The following DNAH14 variants were observed in gnomAD, a reference collection of about 807,000 sequenced individuals.
DNAH14 encodes axonemal beta dynein heavy chain 14.
DNAH14 carries 478 observed loss-of-function variants against 520.9 expected under a neutral mutation model. That is an observed-to-expected ratio of 0.92 (90% CI 0.85 to 0.99). The LOEUF is 0.99. DNAH14 is among the 50% of genes least tolerant of loss of function. DNAH14 has a pLI of 0.00. For synonymous variants in DNAH14, 1,581 were observed against 1,757.2 expected (o/e 0.90, Z 2.51); for missense variants, 4,831 against 5,234.5 (o/e 0.92, Z 2.38).
chr1:225,220,817 T>C (rs1360645941), intron 41 of DNAH14, among the ~76,000 whole-genome samples: 1 of 152,166 alleles, frequency 6.6e-6, no homozygotes, highest in Non-Finnish European at 1.5e-5. Context: ...AAATTTCACA[T>C]GAAACCAAAA....
rs16844574 is a variant in DNAH14 at position 225,255,775 on chromosome 1, A to G, written c.6866-2185A>G. Among the ~76,000 whole-genome samples the G allele has an allele frequency of 3.5e-3, 535 of 152,338 alleles. 4 individuals are homozygous for G. Among genetic ancestry groups the G allele is most frequent in the African/African-American group, 0.012 (518 of 41,582 alleles). On this transcript the variant is annotated intron_variant, in intron 44 of 85. Coordinates refer to ENST00000682510, the MANE Select transcript of DNAH14 (RefSeq NM_001367479.1). The stretch of plus-strand genomic sequence containing the variant: ...TTAATGAGACTTGGATGACTAGAAT[A>G]AAGGTATATATTCTCAGACAGCCAT...
At chr1:224,968,633 A>G in intron 6 of DNAH14, 126 bp from the exon 7 acceptor site, 1 of 601,172 alleles carries the variant, frequency 1.7e-6, no homozygotes, top group Non-Finnish European at 2.7e-6. Context: ...ATACATAGAA[A>G]AAGCTTAATT....
chr1:225,214,350 G>A lies in DNAH14; in HGVS notation c.6439+7130G>A, dbSNP rs539255844. Among the ~76,000 whole-genome samples the A allele has an allele frequency of 1.4e-4, 22 of 152,294 alleles. 1 individual carries two copies. In the South Asian group the frequency reaches 3.3e-3, roughly 23 times the overall value. ...GATTTTTGCATCGATGTTCATCAAGGATATTGGTCTAAAATTCTCTTTTTT... is the reference window on the plus strand; with the variant it reads ...GATTTTTGCATCGATGTTCATCAAGAATATTGGTCTAAAATTCTCTTTTTT... On this transcript the variant is annotated intron_variant, in intron 41 of 85. Coordinates refer to ENST00000682510, the MANE Select transcript of DNAH14 (RefSeq NM_001367479.1).
rs530172075 is a variant in DNAH14 at position 225,206,998 on chromosome 1, G to A, written c.6217G>A (p.Val2073Ile). Reference sequence around the variant, plus strand: ...TGTTGATCTGGGATGGGAACCTTATGTTAAGTCATGGCTTCTGAAAACTTC... The same window carrying A: ...TGTTGATCTGGGATGGGAACCTTATATTAAGTCATGGCTTCTGAAAACTTC... ...DPVDLGWEPY[V>I]KSWLLKTSKI... The change falls in exon 41 of 86, where the codon GTT (valine) becomes ATT (isoleucine). Residue 2073 changes from valine to isoleucine, a missense_variant. Physicochemically the swap from Val to Ile is conservative, Grantham distance 29. Coordinates refer to ENST00000682510, the MANE Select transcript of DNAH14 (RefSeq NM_001367479.1). The A allele has an allele frequency of 6.5e-6, 10 of 1,534,440 alleles. No homozygotes were observed. The highest frequency in any genetic ancestry group is 7.9e-6 in the Non-Finnish European group (9 of 1,139,764).
intron 36 of DNAH14, 70 bp from the exon 37 acceptor site, chr1:225,185,221 A>C (rs2149315081): frequency 6.9e-7 from 1 of 1,450,592 alleles, no homozygotes; most frequent in South Asian, 1.4e-5. Context: ...TAGTCAATGG[A>C]TATAGAGATA....
intron 69 of DNAH14, among the ~76,000 whole-genome samples, chr1:225,341,747 C>T (rs990259876): frequency 1.3e-5 from 2 of 152,124 alleles, no homozygotes; most frequent in African/African-American, 4.8e-5. Flanking sequence ...TCTAAGAAAC[C>T]ACAATCTTTA....
In DNAH14 at chr1:225,307,523, A is replaced by C; in HGVS notation, c.9068A>C (p.Gln3023Pro). ...LEATTLVTEM[Q>P]EELLILGPQV... ...GCAACCACTCTAGTTACAGAAATGC[A>C]AGAAGAGCTCTTGATTCTTGGCCCT... The change falls in exon 59 of 86, where the codon CAA becomes CCA. Residue 3023 changes from glutamine (Q) to proline (P), a missense_variant. Physicochemically the swap from Gln to Pro is moderately conservative, Grantham distance 76. Coordinates refer to ENST00000682510, the MANE Select transcript of DNAH14 (RefSeq NM_001367479.1). 1 of 1,547,684 alleles carries C rather than the reference A, an allele frequency of 6.5e-7. No homozygotes were observed. The highest frequency in any genetic ancestry group is 1.7e-4 in the Middle Eastern group (1 of 5,968).
intron 27 of DNAH14, among the ~76,000 whole-genome samples, chr1:225,139,663 A>C (rs568665552): frequency 6.6e-6 from 1 of 152,220 alleles, no homozygotes; most frequent in Non-Finnish European, 1.5e-5. Flanking sequence ...GTAATTAAAA[A>C]CTGGTTCACA....
intron 1 of DNAH14, among the ~76,000 whole-genome samples, chr1:224,942,632 G>A (rs2125410344): frequency 6.6e-6 from 1 of 152,232 alleles, no homozygotes; most frequent in East Asian, 1.9e-4. Context: ...TATGATATTG[G>A]CTGTGGGTTT....
At position 225,065,721 on chromosome 1, in the gene DNAH14, A is replaced by C. The variant is rs373869822; in HGVS notation, c.2425-13486A>C. Reference sequence around the variant, plus strand: ...ATGAATTTCTTTTTTAAAGCTGAATAGTATTTTATTGTGTACATATACTAC... The same window carrying C: ...ATGAATTTCTTTTTTAAAGCTGAATCGTATTTTATTGTGTACATATACTAC... On this transcript the variant is annotated intron_variant, in intron 17 of 85. Coordinates refer to ENST00000682510, the MANE Select transcript of DNAH14 (RefSeq NM_001367479.1). Among the ~76,000 whole-genome samples, 30 of 152,096 alleles carry C rather than the reference A, an allele frequency of 2.0e-4. 1 individual carries two copies. The highest frequency in any genetic ancestry group is 6.8e-4 in the African/African-American group (28 of 41,452).
intron 27 of DNAH14, among the ~76,000 whole-genome samples, chr1:225,136,338 A>T (rs2078952562): frequency 6.6e-6 from 1 of 152,160 alleles, no homozygotes; most frequent in Non-Finnish European, 1.5e-5. Context: ...AGCTCTTGCA[A>T]GGCGGACCTG....
At chr1:224,949,871 C>T (rs1238819587) in intron 1 of DNAH14, among the ~76,000 whole-genome samples, 5 of 152,084 alleles carry the variant, frequency 3.3e-5, no homozygotes, top group Admixed American at 3.3e-4. Context: ...CATGAATTTA[C>T]CTTTTATCTG....
intron 10 of DNAH14, among the ~76,000 whole-genome samples, chr1:225,009,905 T>C (rs1210122306): frequency 1.3e-5 from 2 of 152,216 alleles, no homozygotes; most frequent in Non-Finnish European, 2.9e-5. Context: ...TTGTCTATTA[T>C]AGGTGTATAG....
intron 43 of DNAH14, among the ~76,000 whole-genome samples, chr1:225,242,376 C>A (rs887291147): frequency 5.3e-5 from 8 of 152,122 alleles, no homozygotes; most frequent in African/African-American, 1.9e-4. Context: ...AAAATATTTT[C>A]TTGATATCTT....
rs1053609137 is a variant in DNAH14 at position 225,240,934 on chromosome 1, A to G, written c.6748+112A>G. 6 of 856,816 alleles carry G rather than the reference A, an allele frequency of 7.0e-6. No homozygotes were observed. The African/African-American group carries it at 1.0e-4, about 15-fold the overall frequency. 53.1% of individuals were successfully genotyped at this position (856,816 alleles called of 1,614,324 possible). The stretch of plus-strand genomic sequence containing the variant: ...TTTTAAAATGTTAAGATTGAAGGAA[A>G]AAGAAGGTTTATAATATACCCAATA... On this transcript the variant is annotated intron_variant, in intron 43 of 85. Transcript: ENST00000682510.
chr1:225,062,801 C>A (rs2148429066), intron 17 of DNAH14, among the ~76,000 whole-genome samples: 1 of 152,246 alleles, frequency 6.6e-6, no homozygotes, highest in East Asian at 1.9e-4. Context: ...TTTATAACTA[C>A]CCTTCCAAAG....
At chr1:225,337,830 A>G (rs147190229) in intron 67 of DNAH14, among the ~76,000 whole-genome samples, 21 of 152,340 alleles carry the variant, frequency 1.4e-4, no homozygotes, top group African/African-American at 5.1e-4. Context: ...AGAATGGGGT[A>G]TCCATCCCCT....
At position 225,256,417 on chromosome 1, in the gene DNAH14, C is replaced by T. The variant is rs185579235; in HGVS notation, c.6866-1543C>T. 3.5e-3 allele frequency among the ~76,000 whole-genome samples: 537 copies of T among 151,662 alleles called. 4 individuals carry two copies. Among genetic ancestry groups the T allele is most frequent in the African/African-American group, 0.013 (517 of 41,294 alleles). On this transcript the variant is annotated intron_variant, in intron 44 of 85. Transcript: ENST00000682510. ...TGTGGGATGGATTTGGGGTCAACTG[C>T]GGCAGGATTGGGTAAGAAAATAAAT...
intron 31 of DNAH14, among the ~76,000 whole-genome samples, chr1:225,150,521 C>T (rs561211578): frequency 4.6e-5 from 7 of 152,170 alleles, no homozygotes; most frequent in South Asian, 2.1e-4. Flanking sequence ...TGAATCTGTT[C>T]GATCCTGGGC....
Sources: allele counts gnomAD v4.1 joint callset (sites outside exome capture counted in the v4.1 genomes callset), GRCh38; gene constraint gnomAD v4.1.1; transcripts MANE v1.5; gene names NCBI Gene and HGNC (gene_info 2026-07-23, HGNC 2026-07-21).